USP38: variants seen among roughly 807,000 people sequenced by gnomAD.
USP38 encodes the protein ubiquitin specific peptidase 38.
Under a neutral mutation model 94.3 loss-of-function variants are expected in USP38, and 49 were observed. The observed-to-expected ratio is 0.52, with a 90% CI of 0.41 to 0.66. USP38 has a LOEUF of 0.66. Ranked by LOEUF, USP38 falls within the 30% of genes least tolerant of loss-of-function variation. USP38 has a pLI of 0.00. For missense variants in USP38, 1,128 were observed against 1,229.4 expected (o/e 0.92, Z 1.23); for synonymous variants, 468 against 463.6 (o/e 1.01, Z -0.12).
At chr4:143,215,399 T>A (rs1380910580) in intron 9 of USP38, 3 of 154,874 alleles carry the variant, frequency 1.9e-5, no homozygotes, top group Non-Finnish European at 2.9e-5. Flanking sequence ...AAAGAAAGGA[T>A]ATTCATATTC....
chr4:143,200,532 G>C (rs1731683366), intron 4 of USP38, among the ~76,000 whole-genome samples: 1 of 152,180 alleles, frequency 6.6e-6, no homozygotes, highest in Non-Finnish European at 1.5e-5. Flanking sequence ...GTCCTAGCCA[G>C]AGCAGTCAGG....
At chr4:143,206,779 G>T (rs537146250) in intron 6 of USP38, among the ~76,000 whole-genome samples, 1 of 152,168 alleles carries the variant, frequency 6.6e-6, no homozygotes, top group East Asian at 1.9e-4. Flanking sequence ...GAGTTTAAGT[G>T]TGCTAGAGTA....
intron 9 of USP38, among the ~76,000 whole-genome samples, chr4:143,219,439 G>A (rs34168479): frequency 0.59 from 90,269 of 151,846 alleles, 27,008 homozygotes; most frequent in East Asian, 0.82. Flanking sequence ...AAATCACTAG[G>A]CCTTAAGTTG....
rs1035141930 is a variant in USP38 at position 143,222,049 on chromosome 4, A to C, written c.*1593A>C. Reference sequence around the variant, plus strand: ...AATTTCTGAGCTATCCTGTGTGTTCAGTTATCCACTTACTTGATAGCAACT... The same window carrying C: ...AATTTCTGAGCTATCCTGTGTGTTCCGTTATCCACTTACTTGATAGCAACT... On this transcript the variant is annotated 3_prime_UTR_variant, in exon 10 of 10. Coordinates refer to ENST00000307017, the MANE Select transcript of USP38 (RefSeq NM_032557.6). 6.6e-6 allele frequency: 1 copy of C among 152,062 alleles called. No individual in the cohort carries two copies. The highest frequency in any genetic ancestry group is 2.4e-5 in the African/African-American group (1 of 41,438). 9.4% of individuals were successfully genotyped at this position (152,062 alleles called of 1,614,324 possible). A position where few individuals can be genotyped will look rare whatever the true frequency, so the allele number is the denominator to read the frequency against.
chr4:143,205,914 TG>T, intron 5 of USP38, 118 bp from the exon 6 acceptor site: 2 of 713,982 alleles, frequency 2.8e-6, no homozygotes, highest in Non-Finnish European at 4.1e-6. Flanking sequence ...CAAAACTAAG[TG>T]GGGGAAAAGA....
chr4:143,210,415 C>T (rs1168633554), intron 7 of USP38, among the ~76,000 whole-genome samples: 2 of 151,936 alleles, frequency 1.3e-5, no homozygotes, highest in African/African-American at 4.8e-5. Flanking sequence ...TGTGAAACCC[C>T]ATCTCTACTA....
rs2149612919 is a variant in USP38 at position 143,214,612 on chromosome 4, A to G, written c.2636A>G (p.Glu879Gly). ...DSSYQMYHQS[E>G]ALALASSQSH... Reference sequence around the variant, plus strand: ...TCATATCAGATGTACCACCAGTCTGAGGCTCTGGCATTAGCATCCTCCCAG... The same window carrying G: ...TCATATCAGATGTACCACCAGTCTGGGGCTCTGGCATTAGCATCCTCCCAG... Residue 879 changes from glutamate (E) to glycine (G), a missense_variant, in exon 9 of 10, where the codon GAG becomes GGG. By Grantham distance (98) the Glu-to-Gly change is moderately conservative. Coordinates refer to ENST00000307017, the MANE Select transcript of USP38 (RefSeq NM_032557.6). 1 of 1,613,646 alleles carries G rather than the reference A, an allele frequency of 6.2e-7. No individual in the cohort carries two copies. The highest frequency in any genetic ancestry group is 8.5e-7 in the Non-Finnish European group (1 of 1,179,802).
intron 6 of USP38, among the ~76,000 whole-genome samples, chr4:143,207,820 C>T (rs1402343238): frequency 6.6e-6 from 1 of 151,988 alleles, no homozygotes; most frequent in South Asian, 2.1e-4. Flanking sequence ...GCAGTTATAA[C>T]GGCAAGAGCA....
At position 143,213,464 on chromosome 4, in the gene USP38, C is replaced by G. The variant is rs981436203; in HGVS notation, c.1605-117C>G. 1.0e-5 allele frequency: 12 copies of G among 1,170,568 alleles called. No homozygotes were observed. The African/African-American group carries it at 1.7e-4, about 17-fold the overall frequency. The allele number at this position is 1,170,568 out of a possible 1,614,324, so 72.5% of individuals were successfully genotyped here. On this transcript the variant is annotated intron_variant, in intron 8 of 9. Coordinates refer to ENST00000307017, the MANE Select transcript of USP38 (RefSeq NM_032557.6). ...TTCTTTTAATTAAAACAGGAAAAACCTGATTTGTTTACATTAAATTTGATT... is the reference window on the plus strand; with the variant it reads ...TTCTTTTAATTAAAACAGGAAAAACGTGATTTGTTTACATTAAATTTGATT...
Position 143,185,534 on chromosome 4 carries a change from G to C in USP38, c.84G>C (p.Ser28=), listed in dbSNP as rs1363048042. 1 of 1,613,666 alleles carries C rather than the reference G, an allele frequency of 6.2e-7. No homozygotes were observed. The highest frequency in any genetic ancestry group is 1.7e-5 in the Admixed American group (1 of 59,990). Reference sequence around the variant, plus strand: ...TGATTGTGCGGAAGGTGGTGGAATCGGCGGAGCACTGGCTAGACGAGGCGC... The same window carrying C: ...TGATTGTGCGGAAGGTGGTGGAATCCGCGGAGCACTGGCTAGACGAGGCGC... ...KRVIVRKVVE[S]AEHWLDEAQC... is the part of the protein sequence containing the mutation. Residue 28 remains serine (S), a synonymous_variant, in exon 1 of 10, where the codon TCG becomes TCC. Coordinates refer to ENST00000307017, the MANE Select transcript of USP38 (RefSeq NM_032557.6).
At chr4:143,189,214 T>C (rs900535977) in intron 2 of USP38, among the ~76,000 whole-genome samples, 1 of 152,048 alleles carries the variant, frequency 6.6e-6, no homozygotes. Context: ...AGTACTATTT[T>C]ATAGTTCACT....
chr4:143,219,936 G>A (rs1335996882), intron 9 of USP38, among the ~76,000 whole-genome samples: 3 of 152,036 alleles, frequency 2.0e-5, no homozygotes, highest in Non-Finnish European at 4.4e-5. Flanking sequence ...TTGAGAAATA[G>A]TCTATGGAAA....
In USP38 at chr4:143,212,330, G is replaced by C; in HGVS notation, c.1510G>C (p.Ala504Pro). The C allele has an allele frequency of 6.2e-7, 1 of 1,608,660 alleles. No homozygotes were observed. Among genetic ancestry groups the C allele is most frequent in the Non-Finnish European group, 8.5e-7 (1 of 1,177,332 alleles). The change falls in exon 8 of 10, where the codon GCA becomes CCA. Residue 504 changes from alanine to proline, a missense_variant. By Grantham distance (27) the Ala-to-Pro change is conservative. Transcript: ENST00000307017. The part of the protein sequence containing the change: ...FLAHTQREAY[A>P]PRIFFEASRP... ...TTGCTCTCAAAAGAGGGAAGCATACGCACCTCGGATATTCTTTGAGGCTTC... is the reference window on the plus strand; with the variant it reads ...TTGCTCTCAAAAGAGGGAAGCATACCCACCTCGGATATTCTTTGAGGCTTC...
At position 143,185,971 on chromosome 4, in the gene USP38, C is replaced by G. The variant is rs1434328980; in HGVS notation, c.521C>G (p.Thr174Arg). Reference protein sequence around the residue: ...SITFCQQLVRTIGHFQCVSTQ... With the variant: ...SITFCQQLVRRIGHFQCVSTQ... ...ACGTTCTGTCAACAGCTGGTTCGAACGATAGGCCATTTCCAGTGCGTGTCC... is the reference window on the plus strand; with the variant it reads ...ACGTTCTGTCAACAGCTGGTTCGAAGGATAGGCCATTTCCAGTGCGTGTCC... The change falls in exon 1 of 10, where the codon ACG (threonine) becomes AGG (arginine). Residue 174 changes from threonine (T) to arginine (R), a missense_variant. Transcript: ENST00000307017. The G allele has an allele frequency of 6.2e-7, 1 of 1,614,054 alleles. No individual in the cohort carries two copies. The highest frequency in any genetic ancestry group is 8.5e-7 in the Non-Finnish European group (1 of 1,180,040).
In USP38 at chr4:143,222,544, A is replaced by C. The variant is rs1451141760; in HGVS notation, c.*2088A>C. Reference sequence around the variant, plus strand: ...TATTTATTGGTTTTTTAAATTTTCTATCCAAAGTTGTTTGAATCTAAGGAT... The same window carrying C: ...TATTTATTGGTTTTTTAAATTTTCTCTCCAAAGTTGTTTGAATCTAAGGAT... On this transcript the variant is annotated 3_prime_UTR_variant, in exon 10 of 10. Coordinates refer to ENST00000307017, the MANE Select transcript of USP38 (RefSeq NM_032557.6). 2 of 151,944 alleles carry C rather than the reference A, an allele frequency of 1.3e-5. No homozygotes were observed. Among genetic ancestry groups the C allele is most frequent in the African/African-American group, 4.8e-5 (2 of 41,400 alleles). The allele number at this position is 151,944 out of a possible 1,614,324, so 9.4% of individuals were successfully genotyped here.
Position 143,213,651 on chromosome 4 carries a change from G to A in USP38, c.1675G>A (p.Glu559Lys). The A allele has an allele frequency of 6.2e-7, 1 of 1,613,398 alleles. No individual in the cohort carries two copies. Among genetic ancestry groups the A allele is most frequent in the East Asian group, 2.2e-5 (1 of 44,782 alleles). The change falls in exon 9 of 10, where the codon GAA becomes AAA. Residue 559 changes from glutamate (E) to lysine (K), a missense_variant. By Grantham distance (56) the Glu-to-Lys change is moderately conservative (BLOSUM62 1). Transcript: ENST00000307017. ...HKPSEILECS[E>K]TSLQEVASKA... ...GCCTTCTGAAATTCTGGAATGCAGTGAAACTTCTTTACAGGAAGTAGCTAG... is the reference window on the plus strand; with the variant it reads ...GCCTTCTGAAATTCTGGAATGCAGTAAAACTTCTTTACAGGAAGTAGCTAG...
At position 143,193,216 on chromosome 4, in the gene USP38, G is replaced by GT. The variant is rs943217279; in HGVS notation, c.819-2490dup. Among the ~76,000 whole-genome samples, 444 of 148,436 alleles carry GT rather than the reference G, an allele frequency of 3.0e-3. 2 individuals carry two copies. Among genetic ancestry groups the GT allele is most frequent in the East Asian group, 0.013 (65 of 5,096 alleles). The stretch of plus-strand genomic sequence containing the variant: ...ATTGTTTTTTAAAAAAACTGCAGTG[G>GT]TTTTTTTTTTCCTTGTTAATTCAAC... On this transcript the variant is annotated intron_variant, in intron 2 of 9. Transcript: ENST00000307017.
At chr4:143,191,179 A>G (rs896255937) in intron 2 of USP38, among the ~76,000 whole-genome samples, 1 of 152,138 alleles carries the variant, frequency 6.6e-6, no homozygotes, top group Non-Finnish European at 1.5e-5. Context: ...TACTTTCCCA[A>G]ACATAGCAGT....
chr4:143,205,492 T>C (rs1731834031), intron 5 of USP38, among the ~76,000 whole-genome samples: 1 of 152,232 alleles, frequency 6.6e-6, no homozygotes, highest in Non-Finnish European at 1.5e-5. Flanking sequence ...GATTAAGTTT[T>C]ATTTTTCTTA....
Sources: gnomAD v4.1 joint callset for allele counts (sites outside exome capture counted in the v4.1 genomes callset) on GRCh38, gnomAD v4.1.1 for gene constraint, MANE v1.5 for transcripts, NCBI Gene and HGNC (gene_info 2026-07-23, HGNC 2026-07-21) for gene names.